Variants in SLC25A51 observed in about 807,000 individuals in gnomAD.
The protein encoded by SLC25A51 is solute carrier family 25 member 51.
SLC25A51 carries 11 observed loss-of-function variants against 19.1 expected under a neutral mutation model. The observed-to-expected ratio is 0.58, with a 90% CI of 0.36 to 0.96. The LOEUF (loss-of-function observed/expected upper bound fraction) is 0.96, where lower values mean the gene tolerates loss of function less well. Ranked by LOEUF, SLC25A51 falls within the 40% of genes least tolerant of loss-of-function variation. The pLI, the probability that SLC25A51 is intolerant of heterozygous loss-of-function variation, is 0.01. For synonymous variants in SLC25A51, 105 were observed against 133.6 expected, an observed-to-expected ratio of 0.79 and a Z score of 1.47; for missense variants, 201 against 365.4, an observed-to-expected ratio of 0.55 and a Z score of 3.67.
At chr9:37,892,535 A>C (rs776301028) in intron 2 of SLC25A51, among the ~76,000 whole-genome samples, 3 of 151,888 alleles carry the variant, frequency 2.0e-5, no homozygotes, top group Non-Finnish European at 2.9e-5. Flanking sequence ...CATTATATAT[A>C]TACAATATAT....
chr9:37,891,534 T>G (rs575767301), intron 2 of SLC25A51, among the ~76,000 whole-genome samples: 1 of 152,336 alleles, frequency 6.6e-6, no homozygotes, highest in South Asian at 2.1e-4. Flanking sequence ...TGCCTTGGGA[T>G]GCTGTTGATC....
chr9:37,879,064 C>A (rs1473357169), downstream of SLC25A51: 2 of 354,196 alleles, frequency 5.6e-6, no homozygotes, highest in Non-Finnish European at 1.1e-5. Context: ...TACTTCTGAT[C>A]TTAATCACCG....
At chr9:37,892,066 G>A (rs1369164474) in intron 2 of SLC25A51, among the ~76,000 whole-genome samples, 3 of 152,152 alleles carry the variant, frequency 2.0e-5, no homozygotes, top group Non-Finnish European at 4.4e-5. Flanking sequence ...AAGGTTCAGT[G>A]TAGGATTAAT....
chr9:37,893,195 C>G (rs1395996038), intron 2 of SLC25A51, among the ~76,000 whole-genome samples: 1 of 152,236 alleles, frequency 6.6e-6, no homozygotes, highest in South Asian at 2.1e-4. Context: ...TTTGCTTTCT[C>G]TTGTGAAGCA....
chr9:37,893,532 T>C (rs1831643932), intron 2 of SLC25A51, among the ~76,000 whole-genome samples: 1 of 152,212 alleles, frequency 6.6e-6, no homozygotes. Flanking sequence ...AACCTTTCAC[T>C]GTCCCTCCCT....
downstream of SLC25A51, chr9:37,887,480 C>G (rs564799659): frequency 4.3e-6 from 3 of 692,540 alleles, no homozygotes; most frequent in South Asian, 6.5e-5. Context: ...TGTGGTAGGA[C>G]TTGGAGGAGA....
chr9:37,880,319 A>AT (rs972709405), exon 4 of SLC25A51: 2 of 152,180 alleles, frequency 1.3e-5, no homozygotes, highest in Non-Finnish European at 2.9e-5. Flanking sequence ...AAAAAAAAAA[A>AT]AAAAATTATT....
At chr9:37,884,846 C>T (rs1388464898), downstream of SLC25A51, among the ~76,000 whole-genome samples, 1 of 152,192 alleles carries the variant, frequency 6.6e-6, no homozygotes, top group Non-Finnish European at 1.5e-5. Context: ...GAAATTATAA[C>T]ACAAGGACAT....
intron 2 of SLC25A51, among the ~76,000 whole-genome samples, chr9:37,890,947 A>C (rs1332075606): frequency 6.6e-6 from 1 of 152,194 alleles, no homozygotes; most frequent in Admixed American, 6.5e-5. Context: ...TTCCCTCCTC[A>C]TACTACACAC....
chr9:37,898,425 C>T (rs995300382), intron 2 of SLC25A51, among the ~76,000 whole-genome samples: 9 of 152,152 alleles, frequency 5.9e-5, no homozygotes, highest in Non-Finnish European at 1.3e-4. Context: ...CGTGGTGGCG[C>T]ATGCCTGTAA....
chr9:37,899,988 CTTTTTTTT>C (rs35821924), intron 1 of SLC25A51, 38 bp from the exon 2 acceptor site: 1 of 57,070 alleles, frequency 1.8e-5, no homozygotes, highest in Non-Finnish European at 3.1e-5. Context: ...TTTATATAGC[CTTTTTTTT>C]TTTTTTTTTT....
chr9:37,884,399 CTTA>C (rs1432501710), downstream of SLC25A51, among the ~76,000 whole-genome samples: 5 of 152,190 alleles, frequency 3.3e-5, no homozygotes, highest in African/African-American at 1.2e-4. Context: ...CTCAAACTAT[CTTA>C]TTGTTTTACT....
downstream of SLC25A51, chr9:37,887,518 G>A (rs1587157702): frequency 3.0e-6 from 3 of 1,000,202 alleles, no homozygotes; most frequent in East Asian, 7.9e-5. Context: ...CTAACCCTCT[G>A]ACCTACTCCC....
chr9:37,885,745 T>A, downstream of SLC25A51: 2 of 1,472,776 alleles, frequency 1.4e-6, no homozygotes, highest in South Asian at 2.3e-5. Context: ...CGCAGATCCA[T>A]CACTGTGGAG....
rs778871693 is a variant in SLC25A51 at position 37,887,755 on chromosome 9, T to C, written c.796A>G (p.Ile266Val). The C allele has an allele frequency of 3.1e-6, 5 of 1,613,900 alleles. No homozygotes were observed. Among genetic ancestry groups the C allele is most frequent in the Admixed American group, 3.3e-5 (2 of 59,996 alleles). Residue 266 changes from isoleucine (I) to valine (V), a missense_variant, in exon 3 of 3, where the codon ATA (isoleucine) becomes GTA (valine). Coordinates refer to ENST00000242275, the MANE Select transcript of SLC25A51 (RefSeq NM_033412.4). ...KIWLERDRKL[I>V]NLFRGAHLNY... is the part of the protein sequence containing the mutation. ...AGATGGGCACCTCTGAAAAGATTTA[T>C]CAGTTTTCTGTCCCGTTCCAGCCAG...
downstream of SLC25A51, chr9:37,878,690 C>A: frequency 6.5e-6 from 1 of 154,806 alleles, no homozygotes; most frequent in Non-Finnish European, 1.4e-5. Flanking sequence ...ATTTGGTGTT[C>A]ATGTGACCAG....
downstream of SLC25A51, chr9:37,879,252 G>T (rs1831307402): frequency 1.5e-5 from 4 of 270,454 alleles, no homozygotes; most frequent in South Asian, 1.8e-4. Flanking sequence ...TGATGTTTGG[G>T]AACACTACAC....
chr9:37,895,813 C>T (rs1402392248), intron 2 of SLC25A51, among the ~76,000 whole-genome samples: 2 of 151,418 alleles, frequency 1.3e-5, no homozygotes, highest in African/African-American at 4.8e-5. Context: ...GGCTTCCTTC[C>T]ACAACTTTTT....
intron 2 of SLC25A51, among the ~76,000 whole-genome samples, chr9:37,894,303 C>T (rs1005522034): frequency 1.3e-5 from 2 of 151,796 alleles, no homozygotes; most frequent in African/African-American, 4.8e-5. Context: ...CTAATTAAAC[C>T]TGCCCCCACT....
Sources: gnomAD v4.1 joint callset for allele counts (sites outside exome capture counted in the v4.1 genomes callset) on GRCh38, gnomAD v4.1.1 for gene constraint, MANE v1.5 for transcripts, NCBI Gene and HGNC (gene_info 2026-07-23, HGNC 2026-07-21) for gene names.